Variants in REEP1 observed in about 807,000 individuals in gnomAD.
The protein encoded by REEP1 is receptor expression-enhancing protein 1.
REEP1 carries 22 observed loss-of-function variants against 40.3 expected under a neutral mutation model. The observed-to-expected ratio is 0.55, with a 90% confidence interval of 0.39 to 0.78. The LOEUF is 0.78. Among genes scored for constraint, REEP1 ranks in the 30% least tolerant of loss-of-function variants. The pLI is 0.00. For missense variants in REEP1, 280 were observed against 361.1 expected (o/e 0.78, Z 1.82); for synonymous variants, 116 against 139.2 (o/e 0.83, Z 1.17).
intron 1 of REEP1, among the ~76,000 whole-genome samples, chr2:86,307,595 T>C (rs184866643): frequency 9.9e-5 from 15 of 152,224 alleles, no homozygotes; most frequent in African/African-American, 3.6e-4. Flanking sequence ...ACCCTGTCTC[T>C]ACAAAAAATG....
chr2:86,290,762 T>G (rs1678652535), intron 1 of REEP1, among the ~76,000 whole-genome samples: 1 of 152,180 alleles, frequency 6.6e-6, no homozygotes, highest in African/African-American at 2.4e-5. Flanking sequence ...TCACGATGGT[T>G]CTCTAGAAGC....
At chr2:86,324,243 G>A (rs1477774270) in intron 1 of REEP1, among the ~76,000 whole-genome samples, 1 of 152,106 alleles carries the variant, frequency 6.6e-6, no homozygotes, top group East Asian at 1.9e-4. Flanking sequence ...GAAGACATTT[G>A]TAACACATAA....
chr2:86,302,905 CT>C (rs1186832660), intron 1 of REEP1, among the ~76,000 whole-genome samples: 1 of 152,130 alleles, frequency 6.6e-6, no homozygotes, highest in Non-Finnish European at 1.5e-5. Flanking sequence ...ATGACAGATC[CT>C]TTGTACTGTC....
At chr2:86,223,734 ATT>A (rs1674545062) in intron 7 of REEP1, 1 of 111,388 alleles carries the variant, frequency 9.0e-6, no homozygotes, top group South Asian at 3.2e-4. Context: ...TCAAAATGCA[ATT>A]CTCTCTCTCT....
At chr2:86,245,377 A>G (rs1037034294) in intron 5 of REEP1, among the ~76,000 whole-genome samples, 2 of 152,316 alleles carry the variant, frequency 1.3e-5, no homozygotes, top group Admixed American at 1.3e-4. Context: ...AAGGAGAAGG[A>G]CACTCCTTTG....
At chr2:86,301,065 G>A (rs901561405) in intron 1 of REEP1, among the ~76,000 whole-genome samples, 1 of 152,178 alleles carries the variant, frequency 6.6e-6, no homozygotes, top group Non-Finnish European at 1.5e-5. Flanking sequence ...ACCACCAAAC[G>A]TGTATGTTTG....
intron 5 of REEP1, 89 bp downstream of exon 5, chr2:86,251,868 T>C: frequency 1.1e-6 from 1 of 913,116 alleles, no homozygotes; most frequent in Non-Finnish European, 1.8e-6. Context: ...GATTGGTCCT[T>C]AGCCTGTTCT....
chr2:86,313,300 C>T (rs67725354), intron 1 of REEP1, among the ~76,000 whole-genome samples: 59,912 of 136,154 alleles, frequency 0.44, 12,829 homozygotes, highest in Non-Finnish European at 0.48. Flanking sequence ...CTTTTCTTTT[C>T]TTTTTTTTTT....
Position 86,218,676 on chromosome 2 carries a change from CTGCCCAGGCCAGAT to C in REEP1, c.783+1280_783+1293del, listed in dbSNP as rs1350781733. Among the ~76,000 whole-genome samples the C allele has an allele frequency of 2.6e-5, 4 of 152,226 alleles. No individual in the cohort carries two copies. The East Asian group carries it at 5.8e-4, about 22-fold the overall frequency. On this transcript the variant is annotated intron_variant, in intron 8 of 8. Transcript: ENST00000538924. ...CTGGGCTCCTCTCCCCATCAGGAGG[CTGCCCAGGCCAGAT>C]TGCCCAGGCCAGACTCCTCCAGCAG...
Position 86,242,796 on chromosome 2 carries a change from T to A in REEP1, c.417+9161A>T, listed in dbSNP as rs562851475. On this transcript the variant is annotated intron_variant, in intron 5 of 8. Transcript: ENST00000538924. ...AGCAGTCGACCATTTGGGTAGCTAC[T>A]GCAAGAGTCCAAGCTAGAAGGAAGG... 1.8e-4 allele frequency among the ~76,000 whole-genome samples: 28 copies of A among 152,058 alleles called. No individual in the cohort carries two copies. In the South Asian group the frequency reaches 5.8e-3, roughly 32 times the overall value.
At chr2:86,288,826 C>T (rs536836414) in intron 1 of REEP1, among the ~76,000 whole-genome samples, 1 of 152,000 alleles carries the variant, frequency 6.6e-6, no homozygotes, top group African/African-American at 2.4e-5. Flanking sequence ...AAAATGGTAT[C>T]CCATGTTTGT....
intron 3 of REEP1, among the ~76,000 whole-genome samples, chr2:86,256,549 A>C (rs1676573641): frequency 6.6e-6 from 1 of 151,966 alleles, no homozygotes; most frequent in Admixed American, 6.6e-5. Context: ...GAGATTATTC[A>C]AACCAGCCAA....
At chr2:86,281,438 G>C (rs967847160) in intron 2 of REEP1, among the ~76,000 whole-genome samples, 1 of 152,140 alleles carries the variant, frequency 6.6e-6, no homozygotes, top group African/African-American at 2.4e-5. Flanking sequence ...GACCAGCCTG[G>C]CCAACATGAC....
chr2:86,309,765 C>G (rs1679673761), intron 1 of REEP1, among the ~76,000 whole-genome samples: 1 of 152,200 alleles, frequency 6.6e-6, no homozygotes, highest in Non-Finnish European at 1.5e-5. Flanking sequence ...AAGCCCTACC[C>G]TCATGATCCC....
At chr2:86,304,394 C>A (rs1465708653) in intron 1 of REEP1, among the ~76,000 whole-genome samples, 1 of 152,130 alleles carries the variant, frequency 6.6e-6, no homozygotes, top group Non-Finnish European at 1.5e-5. Flanking sequence ...GTTCAGCTGC[C>A]CGAACTCTGT....
intron 7 of REEP1, among the ~76,000 whole-genome samples, chr2:86,222,490 C>T (rs1165913367): frequency 2.0e-5 from 3 of 152,178 alleles, no homozygotes; most frequent in Admixed American, 1.3e-4. Context: ...ATAATATTTG[C>T]CTTACTCTCA....
chr2:86,307,938 A>G (rs768728632), intron 1 of REEP1, among the ~76,000 whole-genome samples: 93 of 152,254 alleles, frequency 6.1e-4, no homozygotes, highest in Non-Finnish European at 1.2e-3. Flanking sequence ...GATGATGGAA[A>G]GAGTGATAAC....
rs1484125168 is a variant in REEP1 at position 86,337,609 on chromosome 2, G to T, written c.-99C>A. The T allele has an allele frequency of 2.4e-5, 27 of 1,133,692 alleles. No individual in the cohort carries two copies. The East Asian group carries it at 7.1e-4, about 30-fold the overall frequency. The allele number at this position is 1,133,692 out of a possible 1,614,324, so 70.2% of individuals were successfully genotyped here. A position where few individuals can be genotyped will look rare whatever the true frequency, so the allele number is the denominator to read the frequency against. On this transcript the variant is annotated 5_prime_UTR_variant, in exon 1 of 9. Coordinates refer to ENST00000538924, the MANE Select transcript of REEP1 (RefSeq NM_001371279.1). The surrounding 1 kb of genome is among the most constrained non-coding windows in gnomAD (Gnocchi z 5.8). The stretch of plus-strand genomic sequence containing the variant: ...GTTCCCGGAACGTCAGTCAGCTCAC[G>T]GCAGCCGCCGCCAGACTGAGCGCGC...
chr2:86,312,191 C>A (rs1295612172), intron 1 of REEP1, among the ~76,000 whole-genome samples: 1 of 152,170 alleles, frequency 6.6e-6, no homozygotes, highest in African/African-American at 2.4e-5. Context: ...CTACCTTTAC[C>A]ACCTGAACTC....
Sources: allele counts gnomAD v4.1 joint callset (sites outside exome capture counted in the v4.1 genomes callset), GRCh38; gene constraint gnomAD v4.1.1; non-coding constraint Gnocchi (gnomAD v3.1); transcripts MANE v1.5; gene names NCBI Gene and HGNC (gene_info 2026-07-23, HGNC 2026-07-21).